The following TEX261 variants were observed in gnomAD, a reference collection of about 807,000 sequenced individuals.
TEX261 encodes the protein protein TEX261.
TEX261 carries 13 observed loss-of-function variants against 25.1 expected under a neutral mutation model. The observed-to-expected ratio is 0.52, with a 90% CI of 0.34 to 0.82. The LOEUF is 0.82. Ranked by LOEUF, TEX261 falls within the 40% of genes least tolerant of loss-of-function variation. The pLI is 0.02. For synonymous variants in TEX261, 92 were observed against 97.8 expected (o/e 0.94, Z 0.35); for missense variants, 206 against 243.2 (o/e 0.85, Z 1.02).
intron 3 of TEX261, among the ~76,000 whole-genome samples, chr2:70,991,295 G>A (rs549732749): frequency 6.6e-6 from 1 of 152,226 alleles, no homozygotes; most frequent in Admixed American, 6.5e-5. Context: ...CAAGAAGACT[G>A]GGTCCTCCAC....
At chr2:70,990,973 T>A (rs1553425577) in intron 3 of TEX261, among the ~76,000 whole-genome samples, 1 of 152,132 alleles carries the variant, frequency 6.6e-6, no homozygotes, top group Non-Finnish European at 1.5e-5. Flanking sequence ...TTTGTGTGGA[T>A]AATATTCACC....
At position 70,988,563 on chromosome 2, in the gene TEX261, T is replaced by A; in HGVS notation, c.*37A>T. 1 of 1,537,918 alleles carries A rather than the reference T, an allele frequency of 6.5e-7. No individual in the cohort carries two copies. On this transcript the variant is annotated 3_prime_UTR_variant, in exon 6 of 6. Coordinates refer to ENST00000272438, the MANE Select transcript of TEX261 (RefSeq NM_144582.3). ...GCATAGAGGCCCAGGGGCCTGACTC[T>A]CCTGATCTTGCCCCCCACATCCTGC...
At chr2:70,988,787 C>T (rs1196516103) in intron 5 of TEX261, 72 bp from the exon 6 acceptor site, 22 of 1,526,240 alleles carry the variant, frequency 1.4e-5, no homozygotes, top group Non-Finnish European at 1.6e-5. Context: ...TGTGTGAACA[C>T]GGCCCTCCCA....
intron 3 of TEX261, among the ~76,000 whole-genome samples, chr2:70,991,268 T>C (rs1670293122): frequency 6.6e-6 from 1 of 152,118 alleles, no homozygotes; most frequent in South Asian, 2.1e-4. Context: ...GGTCAGAAAG[T>C]GGTGGCAGGG....
At chr2:70,993,873 A>G in intron 1 of TEX261, 98 bp from the exon 2 acceptor site, 1 of 930,444 alleles carries the variant, frequency 1.1e-6, no homozygotes, top group Non-Finnish European at 1.8e-6. Flanking sequence ...CCCTTCATGG[A>G]CCCCAGAAGG....
chr2:70,989,843 G>A (rs782249117), intron 3 of TEX261, 27 bp from the exon 4 acceptor site: 1 of 1,546,920 alleles, frequency 6.5e-7, no homozygotes, highest in African/African-American at 1.4e-5. Flanking sequence ...GAGTCAGTCA[G>A]TTTAAGGGGA....
At chr2:70,988,776 G>T in intron 5 of TEX261, 61 bp from the exon 6 acceptor site, 1 of 1,519,410 alleles carries the variant, frequency 6.6e-7, no homozygotes, top group Non-Finnish European at 9.1e-7. Flanking sequence ...GTGTGCGCAT[G>T]TGTGTGAACA....
intron 3 of TEX261, among the ~76,000 whole-genome samples, chr2:70,990,314 A>C (rs1670278452): frequency 6.6e-6 from 1 of 152,194 alleles, no homozygotes; most frequent in African/African-American, 2.4e-5. Context: ...TAAAAGGGCA[A>C]GACTTGCTAG....
chr2:70,991,735 G>T (rs1553425631), intron 3 of TEX261, 95 bp downstream of exon 3: 4 of 1,460,368 alleles, frequency 2.7e-6, no homozygotes. Flanking sequence ...GACTTCAACA[G>T]CTGGCTTCCT....
At chr2:70,993,637 C>T in intron 2 of TEX261, 59 bp downstream of exon 2, 3 of 1,404,994 alleles carry the variant, frequency 2.1e-6, no homozygotes, top group Non-Finnish European at 1.0e-6. Flanking sequence ...CTCCCCACTT[C>T]CTGCTTTTGA....
chr2:70,991,429 C>T (rs1369122576), intron 3 of TEX261, among the ~76,000 whole-genome samples: 2 of 152,222 alleles, frequency 1.3e-5, no homozygotes, highest in Non-Finnish European at 2.9e-5. Context: ...GGCTCCAGTC[C>T]TAACAATGAC....
rs141586238 is a variant in TEX261, at chr2:70,988,675, G to T, written c.516C>A (p.Gly172=). 8.6e-5 allele frequency: 139 copies of T among 1,614,172 alleles called. No individual in the cohort carries two copies. Among genetic ancestry groups the T allele is most frequent in the Non-Finnish European group, 1.1e-4 (133 of 1,180,016 alleles). Reference sequence around the variant, plus strand: ...AGACAACCAGGATCCCTAAGCGTTTGCCCCGCTTGCCTTTGGTGAAATAAT... The same window carrying T: ...AGACAACCAGGATCCCTAAGCGTTTTCCCCGCTTGCCTTTGGTGAAATAAT... ...VSNYFTKGKR[G]KRLGILVVFS... Residue 172 remains glycine, a synonymous_variant, in exon 6 of 6, where the codon GGC becomes GGA. Transcript: ENST00000272438.
intron 4 of TEX261, 70 bp from the exon 5 acceptor site, chr2:70,989,087 G>T: frequency 1.5e-6 from 2 of 1,378,948 alleles, no homozygotes; most frequent in Non-Finnish European, 2.0e-6. Context: ...TGGTGACTGC[G>T]TGTTGGTCAA....
chr2:70,992,112 T>C (rs1313278116), intron 2 of TEX261, 129 bp from the exon 3 acceptor site: 3 of 845,660 alleles, frequency 3.5e-6, no homozygotes, highest in Non-Finnish European at 3.3e-6. Flanking sequence ...AGGTCTGGCC[T>C]CCCCAGCTAG....
chr2:70,993,630 C>A, intron 2 of TEX261, 66 bp downstream of exon 2: 1 of 1,334,872 alleles, frequency 7.5e-7, no homozygotes, highest in African/African-American at 1.4e-5. Context: ...CCAAACTCTC[C>A]CCACTTCCTG....
In TEX261 at chr2:70,986,766, T is replaced by C. The variant is rs1296113343; in HGVS notation, c.*1834A>G. The C allele has an allele frequency of 2.0e-5, 3 of 152,482 alleles. No individual in the cohort carries two copies. Among genetic ancestry groups the C allele is most frequent in the Admixed American group, 1.3e-4 (2 of 15,260 alleles). 9.4% of individuals were successfully genotyped at this position (152,482 alleles called of 1,614,324 possible). A position where few individuals can be genotyped will look rare whatever the true frequency, so the allele number is the denominator to read the frequency against. On this transcript the variant is annotated 3_prime_UTR_variant, in exon 6 of 6. Transcript: ENST00000272438. ...GTGGTTCAGGTGATCAGGAAGGATG[T>C]TGGGGCTGGAGGTCAACTCTAAATT...
intron 2 of TEX261, among the ~76,000 whole-genome samples, chr2:70,992,468 G>A (rs1553425750): frequency 6.6e-6 from 1 of 151,844 alleles, no homozygotes; most frequent in Admixed American, 6.6e-5. Flanking sequence ...GGTGGCTCAC[G>A]CCTGGAATCC....
chr2:70,994,377 C>G, intron 1 of TEX261: 1 of 484,844 alleles, frequency 2.1e-6, no homozygotes, highest in East Asian at 4.2e-5. Context: ...GGGAAAAGTT[C>G]CGCGCGGCAG....
chr2:70,993,699 G>A lies in TEX261; in HGVS notation c.147C>T (p.Ile49=). Residue 49 remains isoleucine (I), a synonymous_variant, in exon 2 of 6, where the codon ATC becomes ATT. Coordinates refer to ENST00000272438, the MANE Select transcript of TEX261 (RefSeq NM_144582.3). ...CCTGGAGAAAGATGCCACTTACCCA[G>A]ATCATGTATTTTATGATCCTGCTGG... ...VATSRIIKYM[I]WFSTAVLIGL... The A allele has an allele frequency of 6.2e-7, 1 of 1,613,444 alleles. No individual in the cohort carries two copies. Among genetic ancestry groups the A allele is most frequent in the Admixed American group, 1.7e-5 (1 of 60,022 alleles).
Sources: gnomAD v4.1 joint callset for allele counts (sites outside exome capture counted in the v4.1 genomes callset) on GRCh38, gnomAD v4.1.1 for gene constraint, MANE v1.5 for transcripts, NCBI Gene and HGNC (gene_info 2026-07-23, HGNC 2026-07-21) for gene names.